PTPRF: variants seen among roughly 807,000 people sequenced by gnomAD.
The protein encoded by PTPRF is receptor-type tyrosine-protein phosphatase F.
PTPRF carries 59 observed loss-of-function variants against 201.8 expected under a neutral mutation model. The ratio of observed to expected loss-of-function variants is 0.29; its 90% CI spans 0.24 to 0.36. PTPRF has a LOEUF of 0.36. Among genes scored for constraint, PTPRF ranks in the 10% least tolerant of loss-of-function variants. The pLI, the probability that PTPRF is intolerant of heterozygous loss-of-function variation, is 1.00. For synonymous variants in PTPRF, 1,088 were observed against 1,089.7 expected, an observed-to-expected ratio of 1.00 and a Z score of 0.03; for missense variants, 2,132 against 2,690.5, an observed-to-expected ratio of 0.79 and a Z score of 4.59.
At chr1:43,551,883 C>G (rs1486257891) in intron 3 of PTPRF, among the ~76,000 whole-genome samples, 1 of 151,990 alleles carries the variant, frequency 6.6e-6, no homozygotes, top group African/African-American at 2.4e-5. Flanking sequence ...GAGTGACTTG[C>G]ATAATAATTA....
rs1022151335 is a variant in PTPRF at position 43,603,041 on chromosome 1, T to C, written c.2341-375T>C. On this transcript the variant is annotated intron_variant, in intron 14 of 33. Transcript: ENST00000359947. This position sits in a 1 kb window ranked among gnomAD's most constrained non-coding sequence, Gnocchi z 5.8. ...GCCTGCTTATGCAGGAGCTGTAGGC[T>C]GTGTGCGTGTGGCTGCCAAGAGCCA... Among the ~76,000 whole-genome samples, 1 of 152,162 alleles carries C rather than the reference T, an allele frequency of 6.6e-6. No homozygotes were observed. Among genetic ancestry groups the C allele is most frequent in the African/African-American group, 2.4e-5 (1 of 41,428 alleles).
Position 43,592,569 on chromosome 1 carries a change from C to A in PTPRF, c.1781C>A (p.Thr594Asn). ...TCGGATATGGGGGTGGGCGTCTTCA[C>A]CCCCACCATTGAGGCCCGCACAGCC... ...ARSDMGVGVF[T>N]PTIEARTAQS... Residue 594 changes from threonine to asparagine, a missense_variant, in exon 11 of 34, where the codon ACC (threonine) becomes AAC (asparagine). Around this residue, in one of 6 missense-constraint regions of PTPRF, gnomAD observed 351 missense variants for 401.7 expected, o/e 0.87. Coordinates refer to ENST00000359947, the MANE Select transcript of PTPRF (RefSeq NM_002840.5). 6.2e-7 allele frequency: 1 copy of A among 1,607,276 alleles called. No individual in the cohort carries two copies. Among genetic ancestry groups the A allele is most frequent in the Admixed American group, 1.7e-5 (1 of 59,346 alleles).
In PTPRF at chr1:43,592,814, C is replaced by T. The variant is rs553134018; in HGVS notation, c.1813+213C>T. The stretch of plus-strand genomic sequence containing the variant: ...GTCCAGGCGGCTGCTGCCCTCCCTG[C>T]TCCCTGCCCAGCCTCCTGCCCCTCC... On this transcript the variant is annotated intron_variant, in intron 11 of 33. Coordinates refer to ENST00000359947, the MANE Select transcript of PTPRF (RefSeq NM_002840.5). Among the ~76,000 whole-genome samples, 38 of 152,132 alleles carry T rather than the reference C, an allele frequency of 2.5e-4. 1 individual carries two copies. The highest frequency in any genetic ancestry group is 4.6e-4 in the Non-Finnish European group (31 of 68,014).
rs562658772 is a variant in PTPRF, at chr1:43,589,956, T to TC, written c.949+957dup. ...ATTATCTGTTTTGCAGCTTGAGTGA[T>TC]CTTTAAAAAATGTAATTCAGGATCA... On this transcript the variant is annotated intron_variant, in intron 8 of 33. Transcript: ENST00000359947. 1.9e-4 allele frequency among the ~76,000 whole-genome samples: 29 copies of TC among 152,236 alleles called. No homozygotes were observed. The East Asian group carries it at 5.2e-3, about 27-fold the overall frequency.
chr1:43,609,944 A>G (rs921920673), intron 22 of PTPRF, among the ~76,000 whole-genome samples: 7 of 151,868 alleles, frequency 4.6e-5, no homozygotes, highest in African/African-American at 1.5e-4. Context: ...CTGGAGGCCG[A>G]CCCCAGGTTT....
intron 3 of PTPRF, among the ~76,000 whole-genome samples, chr1:43,551,684 C>T (rs1257450113): frequency 6.6e-6 from 1 of 152,188 alleles, no homozygotes; most frequent in Non-Finnish European, 1.5e-5. Flanking sequence ...TATTTCCCCA[C>T]CTCTTAAATG....
At position 43,606,958 on chromosome 1, in the gene PTPRF, T is replaced by C. The variant is rs769178198; in HGVS notation, c.3847T>C (p.Leu1283=). 9.3e-6 allele frequency: 15 copies of C among 1,613,984 alleles called. No individual in the cohort carries two copies. Among genetic ancestry groups the C allele is most frequent in the Non-Finnish European group, 1.3e-5 (15 of 1,180,036 alleles). Residue 1283 remains leucine (L), a synonymous_variant, in exon 21 of 34, where the codon TTG becomes CTG. Coordinates refer to ENST00000359947, the MANE Select transcript of PTPRF (RefSeq NM_002840.5). Reference sequence around the variant, plus strand: ...CATCCTCATTGTCATCGCCATCCTCTTGTTCAAAAGGTGAGCACTGCCCTC... The same window carrying C: ...CATCCTCATTGTCATCGCCATCCTCCTGTTCAAAAGGTGAGCACTGCCCTC... The part of the protein sequence containing the change: ...LIILIVIAIL[L]FKRKRTHSPS...
chr1:43,566,536 G>C (rs1412260829), intron 5 of PTPRF, among the ~76,000 whole-genome samples: 1 of 152,232 alleles, frequency 6.6e-6, no homozygotes, highest in Non-Finnish European at 1.5e-5. Flanking sequence ...GTGCCCGTGG[G>C]GGAAGGTGGT....
intron 6 of PTPRF, chr1:43,575,843 G>T (rs1646889623): frequency 1.5e-6 from 2 of 1,305,058 alleles, no homozygotes; most frequent in African/African-American, 3.0e-5. Context: ...TTGGCTTTGT[G>T]TGGCTTTCCT....
At position 43,554,432 on chromosome 1, in the gene PTPRF, C is replaced by T. The variant is rs954453637; in HGVS notation, c.379+491C>T. Among the ~76,000 whole-genome samples the T allele has an allele frequency of 2.0e-5, 3 of 152,168 alleles. No individual in the cohort carries two copies. The highest frequency in any genetic ancestry group is 4.8e-5 in the African/African-American group (2 of 41,416). ...TCATTCACAAACACTCCCTGGACCA[C>T]CTTGAAGTCCTCTGAGCACCGAGGA... On this transcript the variant is annotated intron_variant, in intron 5 of 33. Coordinates refer to ENST00000359947, the MANE Select transcript of PTPRF (RefSeq NM_002840.5). This position sits in a 1 kb window ranked among gnomAD's most constrained non-coding sequence, Gnocchi z 4.1.
At position 43,598,028 on chromosome 1, in the gene PTPRF, G is replaced by A. The variant is rs903446501; in HGVS notation, c.2094G>A (p.Pro698=). The change falls in exon 12 of 34, where the codon CCG becomes CCA. Residue 698 remains proline, a synonymous_variant. Transcript: ENST00000359947. Reference sequence around the variant, plus strand: ...TGGGCCCCGGCCCCGAGAGCAGCCCGGTGCTGGTGCGCACCGATGAGGACG... The same window carrying A: ...TGGGCCCCGGCCCCGAGAGCAGCCCAGTGCTGGTGCGCACCGATGAGGACG... The part of the protein sequence containing the change: ...TDVGPGPESS[P]VLVRTDEDVP... 11 of 1,506,870 alleles carry A rather than the reference G, an allele frequency of 7.3e-6. No individual in the cohort carries two copies. The highest frequency in any genetic ancestry group is 4.1e-5 in the Admixed American group (2 of 48,280). The allele number at this position is 1,506,870 out of a possible 1,614,324, so 93.3% of individuals were successfully genotyped here.
rs562343382 is a variant in PTPRF, at chr1:43,546,571, G to A, written c.91+1405G>A. Among the ~76,000 whole-genome samples, 17 of 152,094 alleles carry A rather than the reference G, an allele frequency of 1.1e-4. No homozygotes were observed. Among genetic ancestry groups the A allele is most frequent in the Admixed American group, 8.5e-4 (13 of 15,284 alleles). On this transcript the variant is annotated intron_variant, in intron 3 of 33. Coordinates refer to ENST00000359947, the MANE Select transcript of PTPRF (RefSeq NM_002840.5). The surrounding 1 kb of genome is among the most constrained non-coding windows in gnomAD (Gnocchi z 4.2). ...TTGAAGTACTGTCCTTGCCCTCCCC[G>A]CCGACCCAACCCCAGGCACTTTCAG...
Position 43,603,451 on chromosome 1 carries a change from C to A in PTPRF, c.2376C>A (p.Thr792=). Residue 792 remains threonine (T), a synonymous_variant, in exon 15 of 34, where the codon ACC becomes ACA. Transcript: ENST00000359947. The surrounding 1 kb of genome is among the most constrained non-coding windows in gnomAD (Gnocchi z 5.8). The part of the protein sequence containing the change: ...TTISGLTPET[T]YSVTVAAYTT... ...TCAGCGGCCTGACCCCGGAGACCACCTACTCCGTTACTGTTGCTGCCTATA... is the reference window on the plus strand; with the variant it reads ...TCAGCGGCCTGACCCCGGAGACCACATACTCCGTTACTGTTGCTGCCTATA... 1 of 1,614,194 alleles carries A rather than the reference C, an allele frequency of 6.2e-7. No individual in the cohort carries two copies. Among genetic ancestry groups the A allele is most frequent in the Non-Finnish European group, 8.5e-7 (1 of 1,180,030 alleles).
chr1:43,621,227 A>T lies in PTPRF; in HGVS notation c.5650A>T (p.Thr1884Ser), dbSNP rs962970239. The change falls in exon 33 of 34, where the codon ACA (threonine) becomes TCA (serine). Residue 1884 changes from threonine (T) to serine (S), a missense_variant. Around this residue, in one of 6 missense-constraint regions of PTPRF, gnomAD observed 519 missense variants for 659.5 expected, o/e 0.79. Transcript: ENST00000359947. ...TACACAGCGTCCTGCCATGGTGCAG[A>T]CAGAGGTAACGCAGACCAGGCTGCA... is the stretch of plus-strand genomic sequence containing the variant. Reference protein sequence around the residue: ...LRTQRPAMVQTEDQYQLCYRA... With the variant: ...LRTQRPAMVQSEDQYQLCYRA... 4 of 1,613,964 alleles carry T rather than the reference A, an allele frequency of 2.5e-6. No individual in the cohort carries two copies. The highest frequency in any genetic ancestry group is 2.5e-6 in the Non-Finnish European group (3 of 1,179,944).
intron 22 of PTPRF, among the ~76,000 whole-genome samples, chr1:43,611,040 C>T (rs1259307962): frequency 6.6e-6 from 1 of 152,204 alleles, no homozygotes; most frequent in Non-Finnish European, 1.5e-5. Context: ...ACCAAGTTTG[C>T]CAACCCCTGG....
intron 12 of PTPRF, 37 bp from the exon 13 acceptor site, chr1:43,598,683 C>T (rs1238845599): frequency 6.3e-7 from 1 of 1,593,676 alleles, no homozygotes; most frequent in Admixed American, 1.7e-5. Flanking sequence ...GGGTTGATAC[C>T]TCCAGGCCTG....
chr1:43,545,457 CGT>C (rs1389135627), intron 3 of PTPRF, among the ~76,000 whole-genome samples: 2 of 152,036 alleles, frequency 1.3e-5, no homozygotes, highest in Non-Finnish European at 1.5e-5. Flanking sequence ...GTGATGTGCG[CGT>C]GTGTGTGCTG....
intron 5 of PTPRF, among the ~76,000 whole-genome samples, chr1:43,562,218 C>T (rs1268283352): frequency 1.3e-5 from 2 of 152,158 alleles, no homozygotes; most frequent in East Asian, 1.9e-4. Flanking sequence ...AGATGATTCT[C>T]CTGCCTCAGC....
rs1644670776 is a variant in PTPRF, at chr1:43,546,305, G to C, written c.91+1139G>C. 6.6e-6 allele frequency among the ~76,000 whole-genome samples: 1 copy of C among 152,180 alleles called. No homozygotes were observed. The highest frequency in any genetic ancestry group is 1.5e-5 in the Non-Finnish European group (1 of 68,022). ...GCTAGAAGGGAAAGGAGAAGGGGCA[G>C]GCATTCCCAAGGGGTGGGGCAAAGG... On this transcript the variant is annotated intron_variant, in intron 3 of 33. Coordinates refer to ENST00000359947, the MANE Select transcript of PTPRF (RefSeq NM_002840.5). The surrounding 1 kb of genome is among the most constrained non-coding windows in gnomAD (Gnocchi z 4.2).
Sources: gnomAD v4.1 joint callset for allele counts (sites outside exome capture counted in the v4.1 genomes callset) on GRCh38, gnomAD v4.1.1 for gene constraint, gnomAD v4.1.1 regional missense constraint, Gnocchi (gnomAD v3.1) non-coding constraint, MANE v1.5 for transcripts, NCBI Gene and HGNC (gene_info 2026-07-23, HGNC 2026-07-21) for gene names.